Variants in NRXN1 observed in about 807,000 individuals in gnomAD.
NRXN1 encodes neurexin-1.
Under a neutral mutation model 150.9 loss-of-function variants are expected in NRXN1, and 39 were observed. The ratio of observed to expected loss-of-function variants is 0.26; its 90% CI spans 0.20 to 0.34. The LOEUF (loss-of-function observed/expected upper bound fraction) is 0.34, where lower values mean the gene tolerates loss of function less well. Among genes scored for constraint, NRXN1 ranks in the 10% least tolerant of loss-of-function variants. The pLI is 1.00. For synonymous variants in NRXN1, 924 were observed against 757.0 expected (o/e 1.22, Z -3.62); for missense variants, 1,815 against 1,949.9 (o/e 0.93, Z 1.30).
chr2:50,166,444 C>A (rs962818237), intron 18 of NRXN1, among the ~76,000 whole-genome samples: 1 of 151,976 alleles, frequency 6.6e-6, no homozygotes, highest in African/African-American at 2.4e-5. Context: ...TGGTAACATT[C>A]TGAAGAAGCT....
At chr2:50,372,369 T>C (rs779443846) in intron 17 of NRXN1, among the ~76,000 whole-genome samples, 5 of 152,080 alleles carry the variant, frequency 3.3e-5, no homozygotes, top group African/African-American at 4.8e-5. Context: ...TTATATAGGT[T>C]TTCCACCTGA....
intron 9 of NRXN1, among the ~76,000 whole-genome samples, chr2:50,545,067 G>A (rs1366617004): frequency 6.6e-6 from 1 of 152,118 alleles, no homozygotes; most frequent in Admixed American, 6.6e-5. Flanking sequence ...GAAGAACTGG[G>A]AATTTTTCAA....
intron 2 of NRXN1, among the ~76,000 whole-genome samples, chr2:50,930,223 T>C (rs185869616): frequency 6.6e-6 from 1 of 152,018 alleles, no homozygotes; most frequent in Non-Finnish European, 1.5e-5. Context: ...TGCTCGGGAA[T>C]AAAAAATGTA....
At chr2:49,948,169 A>C (rs1001552819) in intron 21 of NRXN1, among the ~76,000 whole-genome samples, 2 of 152,096 alleles carry the variant, frequency 1.3e-5, no homozygotes, top group Non-Finnish European at 2.9e-5. Context: ...TTCATGGGCT[A>C]CAACTGTGTG....
chr2:50,517,701 T>A (rs914267228), intron 12 of NRXN1, among the ~76,000 whole-genome samples: 3 of 152,066 alleles, frequency 2.0e-5, no homozygotes, highest in Non-Finnish European at 2.9e-5. Context: ...TGACCTAAGG[T>A]TAGCAGTGAA....
chr2:50,598,082 T>C (rs768789174), intron 8 of NRXN1, among the ~76,000 whole-genome samples: 13 of 151,412 alleles, frequency 8.6e-5, no homozygotes, highest in Non-Finnish European at 1.8e-4. Context: ...GAGGTTGCAG[T>C]GAGCCAAGAT....
chr2:50,098,877 T>G (rs1198679103), intron 18 of NRXN1, among the ~76,000 whole-genome samples: 2 of 78,532 alleles, frequency 2.5e-5, no homozygotes, highest in African/African-American at 1.1e-4. Context: ...TTTTTTTTTT[T>G]TTTTTGGCTA....
chr2:50,207,837 T>C (rs771086868), intron 18 of NRXN1: 12 of 157,728 alleles, frequency 7.6e-5, no homozygotes, highest in Non-Finnish European at 1.5e-4. Context: ...TTTTGGCCAT[T>C]TCAAATCTCT....
At chr2:51,029,531 A>G (rs1671151515) in intron 1 of NRXN1, among the ~76,000 whole-genome samples, 1 of 152,222 alleles carries the variant, frequency 6.6e-6, no homozygotes, top group East Asian at 1.9e-4. Flanking sequence ...AAATGCTTTT[A>G]AGGATTTCTA....
chr2:50,283,781 T>G (rs2071767748), intron 17 of NRXN1, among the ~76,000 whole-genome samples: 1 of 152,160 alleles, frequency 6.6e-6, no homozygotes, highest in African/African-American at 2.4e-5. Context: ...AAATGCCTCC[T>G]GTATTTCAAT....
intron 17 of NRXN1, among the ~76,000 whole-genome samples, chr2:50,372,294 C>A (rs755301633): frequency 2.0e-5 from 3 of 152,064 alleles, no homozygotes; most frequent in Non-Finnish European, 4.4e-5. Flanking sequence ...GATGTGTTCT[C>A]TCTTTTTGCT....
intron 5 of NRXN1, among the ~76,000 whole-genome samples, chr2:50,677,157 C>T (rs570813328): frequency 2.0e-5 from 3 of 152,232 alleles, no homozygotes; most frequent in South Asian, 2.1e-4. Flanking sequence ...AAAATCTCTG[C>T]CTTTAGAAAT....
intron 17 of NRXN1, among the ~76,000 whole-genome samples, chr2:50,286,020 A>G (rs1176154990): frequency 6.6e-6 from 1 of 152,214 alleles, no homozygotes; most frequent in Non-Finnish European, 1.5e-5. Flanking sequence ...TAAAATTAAC[A>G]GATAAAATTG....
chr2:51,003,257 C>T (rs1319631899), intron 2 of NRXN1, among the ~76,000 whole-genome samples: 3 of 151,808 alleles, frequency 2.0e-5, no homozygotes, highest in East Asian at 1.9e-4. Context: ...GTTAGGGGCA[C>T]CAATAAAGTA....
intron 5 of NRXN1, among the ~76,000 whole-genome samples, chr2:50,654,358 A>C (rs186864577): frequency 0.02 from 3,093 of 151,678 alleles, 101 homozygotes; most frequent in African/African-American, 0.07. Context: ...AGGACATGAA[A>C]TCATCATTTT....
At chr2:49,972,384 C>A (rs919592102) in intron 21 of NRXN1, among the ~76,000 whole-genome samples, 1 of 152,084 alleles carries the variant, frequency 6.6e-6, no homozygotes, top group Non-Finnish European at 1.5e-5. Context: ...AAAAGTTATT[C>A]TGTAAATGGC....
Position 50,919,956 on chromosome 2 carries a change from T to C in NRXN1, c.832+1913A>G, listed in dbSNP as rs1685756788. On this transcript the variant is annotated intron_variant, in intron 5 of 22. Coordinates refer to ENST00000401669, the MANE Select transcript of NRXN1 (RefSeq NM_001330078.2). ...ATATGAACACTCTGTGGATGCCATG[T>C]CATAGTCATGATTGTATTTCTGCTC... 1.1e-5 allele frequency: 4 copies of C among 356,952 alleles called. 1 individual carries two copies. Among genetic ancestry groups the C allele is most frequent in the South Asian group, 8.7e-5 (4 of 45,868 alleles). The allele number at this position is 356,952 out of a possible 1,614,324, so 22.1% of individuals were successfully genotyped here. A position where few individuals can be genotyped will look rare whatever the true frequency, so the allele number is the denominator to read the frequency against.
intron 9 of NRXN1, among the ~76,000 whole-genome samples, chr2:50,541,960 T>C (rs942771267): frequency 3.3e-5 from 5 of 152,160 alleles, no homozygotes; most frequent in African/African-American, 9.7e-5. Flanking sequence ...TATTGTCCCT[T>C]TGAGAGACAA....
chr2:49,966,754 A>C (rs555665721), intron 21 of NRXN1: 1 of 152,262 alleles, frequency 6.6e-6, no homozygotes, highest in South Asian at 2.1e-4. Context: ...GGACATGTTG[A>C]ATTTGAGGTG....
Sources: gnomAD v4.1 joint callset for allele counts (sites outside exome capture counted in the v4.1 genomes callset) on GRCh38, gnomAD v4.1.1 for gene constraint, MANE v1.5 for transcripts, NCBI Gene and HGNC (gene_info 2026-07-23, HGNC 2026-07-21) for gene names.